KCNT2: variants seen among roughly 807,000 people sequenced by gnomAD.
KCNT2 encodes potassium channel subfamily T member 2.
KCNT2 carries 67 observed loss-of-function variants against 153.8 expected under a neutral mutation model. The observed-to-expected ratio is 0.44, with a 90% CI of 0.36 to 0.53. KCNT2 has a LOEUF of 0.53. Ranked by LOEUF, KCNT2 falls within the 20% of genes least tolerant of loss-of-function variation. The pLI is 0.00. For synonymous variants in KCNT2, 500 were observed against 458.8 expected (o/e 1.09, Z -1.15); for missense variants, 975 against 1,354.8 (o/e 0.72, Z 4.40).
chr1:196,310,246 AG>A (rs1336452645), intron 21 of KCNT2, among the ~76,000 whole-genome samples: 3 of 151,916 alleles, frequency 2.0e-5, no homozygotes, highest in Admixed American at 1.3e-4. Flanking sequence ...TTTAATTAAC[AG>A]GGGGTATACA....
chr1:196,603,785 G>A (rs1421024947), intron 1 of KCNT2, among the ~76,000 whole-genome samples: 1 of 152,190 alleles, frequency 6.6e-6, no homozygotes, highest in Non-Finnish European at 1.5e-5. Context: ...TACAACTGAG[G>A]ATTTTCCATT....
At chr1:196,607,709 C>A (rs1425789339) in intron 1 of KCNT2, among the ~76,000 whole-genome samples, 2 of 152,142 alleles carry the variant, frequency 1.3e-5, no homozygotes, top group East Asian at 3.8e-4. Flanking sequence ...GTTTAAACAG[C>A]ATAAAATTTC....
At chr1:196,241,766 T>C (rs561717877) in intron 26 of KCNT2, among the ~76,000 whole-genome samples, 2 of 152,164 alleles carry the variant, frequency 1.3e-5, no homozygotes, top group East Asian at 3.9e-4. Context: ...TTCCTGCAAA[T>C]AAAACTAATT....
At chr1:196,433,133 A>C (rs1208530678) in intron 8 of KCNT2, among the ~76,000 whole-genome samples, 5 of 152,100 alleles carry the variant, frequency 3.3e-5, no homozygotes, top group Non-Finnish European at 7.4e-5. Flanking sequence ...TCTTGAAAGC[A>C]GAGAGAAGGC....
chr1:196,348,966 G>GA (rs1233888796), intron 14 of KCNT2, among the ~76,000 whole-genome samples: 2 of 151,914 alleles, frequency 1.3e-5, no homozygotes, highest in African/African-American at 4.8e-5. Flanking sequence ...AGAAGAGAAA[G>GA]AAAGAATCCC....
chr1:196,242,055 T>C (rs960744446), intron 26 of KCNT2, among the ~76,000 whole-genome samples: 1 of 152,142 alleles, frequency 6.6e-6, no homozygotes, highest in Non-Finnish European at 1.5e-5. Context: ...CATTGCTCCA[T>C]ATCCCTTACC....
intron 8 of KCNT2, among the ~76,000 whole-genome samples, chr1:196,461,888 T>G (rs190928558): frequency 3.6e-4 from 55 of 151,736 alleles, no homozygotes; most frequent in African/African-American, 1.2e-3. Flanking sequence ...GATAGTTCTT[T>G]GTAATGGTGA....
rs997935293 is a variant in KCNT2, at chr1:196,412,640, C to A, written c.1185+10410G>T. ...ACAAATAACAGTTAGCAGCCCCCTA[C>A]CCCCCAGCACACACAAATGTACAGT... is the stretch of plus-strand genomic sequence containing the variant. On this transcript the variant is annotated intron_variant, in intron 12 of 27. Transcript: ENST00000294725. 2.6e-5 allele frequency among the ~76,000 whole-genome samples: 4 copies of A among 151,348 alleles called. No homozygotes were observed. The East Asian group carries it at 7.8e-4, about 29-fold the overall frequency.
chr1:196,598,098 A>G (rs949164895), intron 1 of KCNT2, among the ~76,000 whole-genome samples: 11 of 152,320 alleles, frequency 7.2e-5, no homozygotes, highest in Admixed American at 5.2e-4. Flanking sequence ...TGGATTAACT[A>G]AAGTAGCAAA....
At chr1:196,229,616 A>T (rs548575700) in intron 27 of KCNT2, among the ~76,000 whole-genome samples, 1 of 152,256 alleles carries the variant, frequency 6.6e-6, no homozygotes, top group East Asian at 1.9e-4. Context: ...TCAAAAGCTT[A>T]CATAAGTTGG....
intron 1 of KCNT2, among the ~76,000 whole-genome samples, chr1:196,600,651 T>C (rs1664623910): frequency 6.2e-5 from 1 of 16,246 alleles, no homozygotes; most frequent in Non-Finnish European, 1.5e-4. Context: ...ATACTTGATA[T>C]GGATCACACT....
In KCNT2 at chr1:196,302,642, A is replaced by G. The variant is rs1362214306; in HGVS notation, c.2595+2592T>C. Among the ~76,000 whole-genome samples the G allele has an allele frequency of 5.9e-5, 9 of 152,166 alleles. No individual in the cohort carries two copies. The East Asian group carries it at 1.7e-3, about 29-fold the overall frequency. On this transcript the variant is annotated intron_variant, in intron 22 of 27. Transcript: ENST00000294725. The stretch of plus-strand genomic sequence containing the variant: ...CTTTTAATAAAAATGTCAGTGAGCC[A>G]TAAATTAGAACCCACACTATGGTCT...
At chr1:196,424,044 G>A (rs941459699) in intron 11 of KCNT2, among the ~76,000 whole-genome samples, 7 of 151,750 alleles carry the variant, frequency 4.6e-5, no homozygotes, top group Non-Finnish European at 8.8e-5. Flanking sequence ...TGGATACTGC[G>A]TCACTCTAAC....
chr1:196,247,680 C>T (rs558356302), intron 26 of KCNT2, among the ~76,000 whole-genome samples: 1 of 152,244 alleles, frequency 6.6e-6, no homozygotes, highest in South Asian at 2.1e-4. Context: ...TGTGAGAACT[C>T]ACTATTATAA....
At chr1:196,454,886 G>C (rs10801536) in intron 8 of KCNT2, among the ~76,000 whole-genome samples, 129,580 of 151,902 alleles carry the variant, frequency 0.85, 56,067 homozygotes, top group East Asian at 0.97. Flanking sequence ...GTGTTGACCA[G>C]CCCAGGCTCA....
intron 8 of KCNT2, among the ~76,000 whole-genome samples, chr1:196,462,068 G>T (rs1007493830): frequency 2.6e-5 from 4 of 151,602 alleles, no homozygotes; most frequent in Middle Eastern, 3.4e-3. Context: ...ATGTCCTATG[G>T]TTCAATATTC....
At chr1:196,490,527 A>G (rs1457767670) in intron 2 of KCNT2, among the ~76,000 whole-genome samples, 1 of 148,948 alleles carries the variant, frequency 6.7e-6, no homozygotes, top group East Asian at 1.9e-4. Flanking sequence ...TCTTAATAGC[A>G]TACACTGAGA....
chr1:196,282,140 A>G (rs1276321718), intron 24 of KCNT2, 133 bp downstream of exon 24: 5 of 480,024 alleles, frequency 1.0e-5, no homozygotes, highest in Non-Finnish European at 1.9e-5. Context: ...AAGGAATTTT[A>G]AAAACTCAAA....
intron 14 of KCNT2, among the ~76,000 whole-genome samples, chr1:196,350,944 C>T (rs1045007749): frequency 6.6e-6 from 1 of 152,096 alleles, no homozygotes; most frequent in East Asian, 1.9e-4. Flanking sequence ...TTCCCAGCAC[C>T]ATTTATTAAA....
Sources: gnomAD v4.1 joint callset for allele counts (sites outside exome capture counted in the v4.1 genomes callset) on GRCh38, gnomAD v4.1.1 for gene constraint, MANE v1.5 for transcripts, NCBI Gene and HGNC (gene_info 2026-07-23, HGNC 2026-07-21) for gene names.